Variants in GBA1 observed in about 807,000 individuals in gnomAD.
GBA1 encodes the protein glucosylceramidase beta 1.
the GBA1 span, among the ~76,000 whole-genome samples, chr1:155,242,389 A>AT: frequency 7.2e-5 from 11 of 151,916 alleles, no homozygotes; most frequent in African/African-American, 2.7e-4. Flanking sequence ...TGCTCAGCTA[A>AT]TTTTTTTATT....
chr1:155,236,377 C>T, the GBA1 span: 1,254 of 1,614,086 alleles, frequency 7.8e-4, 10 homozygotes, highest in African/African-American at 0.015. Context: ...GGTGTGTCTC[C>T]CCTAGGGTGG....
At chr1:155,238,735 T>A in the GBA1 span, 1 of 1,606,730 alleles carries the variant, frequency 6.2e-7, no homozygotes, top group Non-Finnish European at 8.5e-7. Context: ...GTCCTAATAG[T>A]GTCTGAGTCA....
chr1:155,243,142 G>T, the GBA1 span, among the ~76,000 whole-genome samples: 1 of 152,324 alleles, frequency 6.6e-6, no homozygotes, highest in South Asian at 2.1e-4. Context: ...TTGAAGGAAT[G>T]TCTTATGCAT....
chr1:155,242,927 C>T, the GBA1 span, among the ~76,000 whole-genome samples: 1 of 152,168 alleles, frequency 6.6e-6, no homozygotes, highest in African/African-American at 2.4e-5. Flanking sequence ...AGTGAGACAG[C>T]AAGTTTGGAA....
chr1:155,239,074 C>T, the GBA1 span, among the ~76,000 whole-genome samples: 2 of 151,424 alleles, frequency 1.3e-5, no homozygotes, highest in South Asian at 4.2e-4. Flanking sequence ...AAAAATTAGC[C>T]GGGCGTGGTG....
At chr1:155,239,863 G>A in the GBA1 span, 2 of 1,614,086 alleles carry the variant, frequency 1.2e-6, no homozygotes, top group Non-Finnish European at 1.7e-6. Context: ...CCTGGCCCAG[G>A]GGGTGAGGGG....
the GBA1 span, chr1:155,236,247 T>G: frequency 6.2e-7 from 1 of 1,613,432 alleles, no homozygotes; most frequent in South Asian, 1.1e-5. Context: ...TGGCTTACCG[T>G]GATGATGCTG....
the GBA1 span, chr1:155,235,176 A>G: frequency 6.3e-7 from 1 of 1,590,726 alleles, no homozygotes; most frequent in East Asian, 2.3e-5. Flanking sequence ...CACTTCCCAG[A>G]CCTCACCATT....
At chr1:155,238,323 T>C in the GBA1 span, 2 of 1,559,168 alleles carry the variant, frequency 1.3e-6, no homozygotes, top group East Asian at 2.4e-5. Flanking sequence ...ACAAAGGTAG[T>C]GAAGAGAGAA....
chr1:155,237,119 C>T, the GBA1 span, among the ~76,000 whole-genome samples: 7 of 152,108 alleles, frequency 4.6e-5, no homozygotes, highest in African/African-American at 1.4e-4. Flanking sequence ...GATCACCCGC[C>T]TCGGCTTCCC....
the GBA1 span, chr1:155,239,669 G>A: frequency 6.2e-7 from 1 of 1,614,166 alleles, no homozygotes; most frequent in Non-Finnish European, 8.5e-7. Context: ...GGGTGACAGG[G>A]CAAGGATGTT....
chr1:155,237,862 A>C, the GBA1 span: 4 of 656,132 alleles, frequency 6.1e-6, no homozygotes, highest in Admixed American at 5.7e-5. Flanking sequence ...AGATGGCGCC[A>C]CAGCACTCCA....
At chr1:155,239,910 T>C in the GBA1 span, 4 of 1,614,106 alleles carry the variant, frequency 2.5e-6, no homozygotes, top group Non-Finnish European at 3.4e-6. Flanking sequence ...TTAGCCTGGA[T>C]GGGCCCCATA....
chr1:155,234,976 T>G, the GBA1 span: 7 of 631,112 alleles, frequency 1.1e-5, no homozygotes, highest in Admixed American at 1.8e-4. Context: ...GCCCAGTGCC[T>G]CCTTGAGTAT....
the GBA1 span, chr1:155,241,016 A>G: frequency 4.3e-6 from 6 of 1,380,796 alleles, no homozygotes; most frequent in East Asian, 1.1e-4. Context: ...AGAGTCTGTC[A>G]TTCATTAAAT....
chr1:155,236,331 C>T, the GBA1 span: 3 of 1,614,180 alleles, frequency 1.9e-6, no homozygotes, highest in Non-Finnish European at 1.7e-6. Context: ...CCCACACAGG[C>T]CTCTGAGGCA....
At chr1:155,241,467 C>T in the GBA1 span, among the ~76,000 whole-genome samples, 1 of 151,974 alleles carries the variant, frequency 6.6e-6, no homozygotes, top group East Asian at 1.9e-4. Context: ...CTCCTAAATC[C>T]CAGAGGATGG....
chr1:155,243,173 G>T, the GBA1 span, among the ~76,000 whole-genome samples: 1 of 152,170 alleles, frequency 6.6e-6, no homozygotes, highest in South Asian at 2.1e-4. Flanking sequence ...CTCGTAGATA[G>T]CCTGGCACAG....
the GBA1 span, among the ~76,000 whole-genome samples, chr1:155,237,013 C>A: frequency 6.7e-6 from 1 of 148,324 alleles, no homozygotes; most frequent in Non-Finnish European, 1.5e-5. Context: ...TACAGACACC[C>A]ACCATCATGC....
Sources: allele counts gnomAD v4.1 joint callset (sites outside exome capture counted in the v4.1 genomes callset), GRCh38; gene constraint gnomAD v4.1.1; transcripts MANE v1.5; gene names NCBI Gene and HGNC (gene_info 2026-07-23, HGNC 2026-07-21).